Variants in PBX3 observed in about 807,000 individuals in gnomAD.
The protein encoded by PBX3 is pre-B-cell leukemia transcription factor 3.
A neutral mutation model predicts 48.5 loss-of-function variants in PBX3; 14 were observed. The observed-to-expected ratio is 0.29, with a 90% CI of 0.19 to 0.45. PBX3 has a LOEUF of 0.45. PBX3 is among the 20% of genes least tolerant of loss of function. The pLI, the probability that PBX3 is intolerant of heterozygous loss-of-function variation, is 1.00. For missense variants in PBX3, 386 were observed against 546.7 expected (o/e 0.71, Z 2.93); for synonymous variants, 210 against 200.3 (o/e 1.05, Z -0.41).
At chr9:125,791,470 G>T (rs1254447796) in intron 2 of PBX3, among the ~76,000 whole-genome samples, 2 of 151,924 alleles carry the variant, frequency 1.3e-5, no homozygotes, top group Non-Finnish European at 2.9e-5. Context: ...ATTGCATCAT[G>T]GGGGGAGATT....
At chr9:125,748,669 G>A (rs188569374) in intron 2 of PBX3, 46 bp downstream of exon 2, 4 of 1,488,744 alleles carry the variant, frequency 2.7e-6, no homozygotes, top group East Asian at 2.3e-5. Flanking sequence ...CCCGAGGTGG[G>A]GGTCGGAGCT....
At chr9:125,752,999 A>G (rs182922560) in intron 2 of PBX3, among the ~76,000 whole-genome samples, 6 of 152,284 alleles carry the variant, frequency 3.9e-5, no homozygotes, top group Admixed American at 3.9e-4. Context: ...TAACATGCAG[A>G]GAGCAGAGAC....
At position 125,761,262 on chromosome 9, in the gene PBX3, T is replaced by G. The variant is rs1253853365; in HGVS notation, c.274+12639T>G. On this transcript the variant is annotated intron_variant, in intron 2 of 8. Coordinates refer to ENST00000373489, the MANE Select transcript of PBX3 (RefSeq NM_006195.6). ...AGCTACATTCTTTATTATGGTCTAATTTACAGCCAATGGTGATATTTAATA... is the reference window on the plus strand; with the variant it reads ...AGCTACATTCTTTATTATGGTCTAAGTTACAGCCAATGGTGATATTTAATA... Among the ~76,000 whole-genome samples, 9 of 152,168 alleles carry G rather than the reference T, an allele frequency of 5.9e-5. No homozygotes were observed. In the South Asian group the frequency reaches 1.5e-3, roughly 25 times the overall value.
At chr9:125,949,946 G>A (rs761496024) in intron 5 of PBX3, among the ~76,000 whole-genome samples, 20 of 152,274 alleles carry the variant, frequency 1.3e-4, no homozygotes, top group Non-Finnish European at 2.6e-4. Flanking sequence ...CTGATGGGAG[G>A]CATTTCCACA....
chr9:125,782,323 A>G (rs904308131), intron 2 of PBX3, among the ~76,000 whole-genome samples: 1 of 152,148 alleles, frequency 6.6e-6, no homozygotes, highest in Admixed American at 6.5e-5. Flanking sequence ...CCTGCCCCCC[A>G]TGATTCAATT....
chr9:125,861,372 T>C (rs1221905659), intron 2 of PBX3, among the ~76,000 whole-genome samples: 1 of 152,044 alleles, frequency 6.6e-6, no homozygotes, highest in Non-Finnish European at 1.5e-5. Flanking sequence ...GTGTAGAATT[T>C]GAAATCCTCC....
chr9:125,813,489 C>G (rs1251498912), intron 2 of PBX3, among the ~76,000 whole-genome samples: 1 of 152,156 alleles, frequency 6.6e-6, no homozygotes, highest in Non-Finnish European at 1.5e-5. Context: ...CATTTAAACG[C>G]ATCAAGATAT....
At chr9:125,909,875 A>G (rs983509020) in intron 2 of PBX3, among the ~76,000 whole-genome samples, 1 of 152,126 alleles carries the variant, frequency 6.6e-6, no homozygotes, top group African/African-American at 2.4e-5. Flanking sequence ...AACCCCTAAT[A>G]AAGGTCATTA....
At chr9:125,802,027 C>T (rs1163353925) in intron 2 of PBX3, among the ~76,000 whole-genome samples, 1 of 152,154 alleles carries the variant, frequency 6.6e-6, no homozygotes, top group Admixed American at 6.5e-5. Context: ...TGTGCCACTG[C>T]ACCCAGCCTA....
chr9:125,843,729 A>G lies in PBX3; in HGVS notation c.275-71957A>G. ...TATGCTTTTAGTAGTCATTTCGGCC[A>G]TGGTGCAGCGAGGTCATAAGCTGAG... On this transcript the variant is annotated intron_variant, in intron 2 of 8. Coordinates refer to ENST00000373489, the MANE Select transcript of PBX3 (RefSeq NM_006195.6). The G allele has an allele frequency of 1.1e-5, 5 of 441,972 alleles. 1 individual carries two copies. The highest frequency in any genetic ancestry group is 8.0e-5 in the South Asian group (5 of 62,714). The allele number at this position is 441,972 out of a possible 1,614,324, so 27.4% of individuals were successfully genotyped here.
At chr9:125,959,419 C>T (rs991219272) in intron 5 of PBX3, among the ~76,000 whole-genome samples, 24 of 152,252 alleles carry the variant, frequency 1.6e-4, no homozygotes, top group African/African-American at 5.3e-4. Context: ...CCATAATCCC[C>T]AGGATGGACA....
intron 2 of PBX3, among the ~76,000 whole-genome samples, chr9:125,837,703 G>T (rs1839177308): frequency 6.6e-6 from 1 of 151,230 alleles, no homozygotes; most frequent in Non-Finnish European, 1.5e-5. Context: ...CCATTCTTCC[G>T]CCTCAGCCAC....
chr9:125,804,473 A>G (rs1341674617), intron 2 of PBX3, among the ~76,000 whole-genome samples: 1 of 152,142 alleles, frequency 6.6e-6, no homozygotes, highest in Admixed American at 6.5e-5. Flanking sequence ...TTCTAGGGAC[A>G]CCGTGACATG....
chr9:125,928,521 A>C (rs1191848811), intron 3 of PBX3, among the ~76,000 whole-genome samples: 1 of 150,066 alleles, frequency 6.7e-6, no homozygotes, highest in Non-Finnish European at 1.5e-5. Context: ...GCTGGAGTGC[A>C]GTGGCGCGAT....
intron 2 of PBX3, among the ~76,000 whole-genome samples, chr9:125,761,800 T>C (rs1164154220): frequency 6.6e-6 from 1 of 152,144 alleles, no homozygotes; most frequent in Non-Finnish European, 1.5e-5. Context: ...TATAGAGGAA[T>C]GAGACTGAAG....
intron 2 of PBX3, among the ~76,000 whole-genome samples, chr9:125,903,538 T>C (rs146919841): frequency 6.6e-6 from 1 of 151,970 alleles, no homozygotes; most frequent in East Asian, 1.9e-4. Flanking sequence ...AAAATACACC[T>C]GATGATAATC....
chr9:125,926,169 A>G (rs2132500707), intron 3 of PBX3, among the ~76,000 whole-genome samples: 1 of 152,364 alleles, frequency 6.6e-6, no homozygotes. Context: ...AAAGATATAT[A>G]CGTATATTTA....
Position 125,894,526 on chromosome 9 carries a change from C to T in PBX3, c.275-21160C>T, listed in dbSNP as rs558483785. ...ACAAGACTAGTTGCTTTTCTGAAACCTAGTGTGCTTGTAGGGTAAAGTAAA... is the reference window on the plus strand; with the variant it reads ...ACAAGACTAGTTGCTTTTCTGAAACTTAGTGTGCTTGTAGGGTAAAGTAAA... On this transcript the variant is annotated intron_variant, in intron 2 of 8. Coordinates refer to ENST00000373489, the MANE Select transcript of PBX3 (RefSeq NM_006195.6). 3.3e-5 allele frequency among the ~76,000 whole-genome samples: 5 copies of T among 152,070 alleles called. No homozygotes were observed. In the East Asian group the frequency reaches 9.6e-4, roughly 29 times the overall value.
At chr9:125,950,663 G>A (rs1039524845) in intron 5 of PBX3, among the ~76,000 whole-genome samples, 8 of 152,006 alleles carry the variant, frequency 5.3e-5, no homozygotes, top group African/African-American at 1.9e-4. Flanking sequence ...TGTATTTTTA[G>A]TAGAGACGGG....
Sources: allele counts gnomAD v4.1 joint callset (sites outside exome capture counted in the v4.1 genomes callset), GRCh38; gene constraint gnomAD v4.1.1; transcripts MANE v1.5; gene names NCBI Gene and HGNC (gene_info 2026-07-23, HGNC 2026-07-21).